MYO16: variants seen among roughly 807,000 people sequenced by gnomAD.
MYO16 encodes unconventional myosin-XVI.
Under a neutral mutation model 205.3 loss-of-function variants are expected in MYO16, and 94 were observed. That is an observed-to-expected ratio of 0.46 (90% CI 0.39 to 0.54). The LOEUF (loss-of-function observed/expected upper bound fraction) is 0.54, where lower values mean the gene tolerates loss of function less well. Among genes scored for constraint, MYO16 ranks in the 20% least tolerant of loss-of-function variants. The pLI is 0.00. For synonymous variants in MYO16, 988 were observed against 954.0 expected (o/e 1.04, Z -0.66); for missense variants, 2,315 against 2,387.5 (o/e 0.97, Z 0.63).
intron 7 of MYO16, among the ~76,000 whole-genome samples, chr13:108,819,953 T>G (rs1390073444): frequency 1.3e-5 from 2 of 152,224 alleles, no homozygotes; most frequent in Non-Finnish European, 2.9e-5. Flanking sequence ...GTATTTTGCC[T>G]TTCACGTTTT....
At chr13:109,204,993 A>C (rs1184431509) in intron 34 of MYO16, among the ~76,000 whole-genome samples, 1 of 152,202 alleles carries the variant, frequency 6.6e-6, no homozygotes, top group Admixed American at 6.5e-5. Flanking sequence ...GGCTTCCACA[A>C]GCATCTGCCC....
chr13:109,151,549 A>G (rs955374884), intron 32 of MYO16, among the ~76,000 whole-genome samples: 3 of 152,174 alleles, frequency 2.0e-5, no homozygotes, highest in Non-Finnish European at 4.4e-5. Flanking sequence ...CATTACCTGA[A>G]GTCCTAAAAG....
the MYO16 span, among the ~76,000 whole-genome samples, chr13:108,581,988 T>A: frequency 6.6e-6 from 1 of 152,116 alleles, no homozygotes; most frequent in African/African-American, 2.4e-5. Flanking sequence ...TCCCAGTGTG[T>A]TTATTGAGCT....
intron 25 of MYO16, among the ~76,000 whole-genome samples, chr13:109,054,084 G>A (rs78182982): frequency 1.3e-5 from 2 of 152,028 alleles, no homozygotes; most frequent in African/African-American, 2.4e-5. Flanking sequence ...TTTGTGAAAT[G>A]TAATAGTAGG....
chr13:108,934,409 G>A (rs942842471), intron 16 of MYO16, among the ~76,000 whole-genome samples: 2 of 152,032 alleles, frequency 1.3e-5, no homozygotes, highest in Non-Finnish European at 2.9e-5. Context: ...TGAAGTGTCC[G>A]TTGATGTCTT....
chr13:108,962,051 C>A (rs1052385977), intron 18 of MYO16, among the ~76,000 whole-genome samples: 2 of 152,174 alleles, frequency 1.3e-5, no homozygotes, highest in Non-Finnish European at 2.9e-5. Context: ...TTGAAGTTGC[C>A]TCGTTAGTCG....
intron 16 of MYO16, among the ~76,000 whole-genome samples, chr13:108,943,943 C>T (rs1260579505): frequency 3.3e-5 from 5 of 152,134 alleles, no homozygotes; most frequent in African/African-American, 4.8e-5. Context: ...TTTCAGTTTC[C>T]GCAGGAAGAG....
chr13:108,994,220 C>T (rs529204397), intron 21 of MYO16, among the ~76,000 whole-genome samples: 26 of 151,710 alleles, frequency 1.7e-4, no homozygotes, highest in Admixed American at 1.7e-3. Context: ...ATCTAAAGAG[C>T]CAGTCTCTAT....
chr13:108,632,338 A>C (rs964160725), intron 1 of MYO16, among the ~76,000 whole-genome samples: 2 of 152,076 alleles, frequency 1.3e-5, no homozygotes, highest in Non-Finnish European at 2.9e-5. Flanking sequence ...GTTCACTTTC[A>C]AGCCAGACAG....
chr13:109,189,556 G>A (rs150910206), intron 34 of MYO16, among the ~76,000 whole-genome samples: 10 of 152,218 alleles, frequency 6.6e-5, no homozygotes, highest in Non-Finnish European at 1.0e-4. Flanking sequence ...CTGGTCAACC[G>A]TCTTGGTCCC....
At chr13:108,654,839 G>T (rs566181176) in intron 1 of MYO16, among the ~76,000 whole-genome samples, 1 of 152,156 alleles carries the variant, frequency 6.6e-6, no homozygotes, top group Admixed American at 6.5e-5. Flanking sequence ...GAGAATGGTG[G>T]CATTTTGCCC....
chr13:108,848,651 G>C (rs570747788), intron 10 of MYO16, among the ~76,000 whole-genome samples: 1 of 152,010 alleles, frequency 6.6e-6, no homozygotes, highest in Non-Finnish European at 1.5e-5. Flanking sequence ...TATTTAAAAC[G>C]TAGCAGGGTT....
At chr13:109,144,125 C>G (rs1877224022) in intron 32 of MYO16, among the ~76,000 whole-genome samples, 1 of 149,920 alleles carries the variant, frequency 6.7e-6, no homozygotes, top group Non-Finnish European at 1.5e-5. Flanking sequence ...AGCAATTGTT[C>G]TGCCTCAGCC....
chr13:108,671,244 C>T (rs1275917860), intron 2 of MYO16, among the ~76,000 whole-genome samples: 1 of 152,128 alleles, frequency 6.6e-6, no homozygotes, highest in Non-Finnish European at 1.5e-5. Flanking sequence ...GTGATAGGAA[C>T]AACAGGAAGC....
chr13:108,937,170 G>C (rs546729340), intron 16 of MYO16, among the ~76,000 whole-genome samples: 29 of 152,256 alleles, frequency 1.9e-4, no homozygotes, highest in South Asian at 1.5e-3. Flanking sequence ...ACTGAAAACA[G>C]ACCCCCAATT....
chr13:109,119,451 A>T (rs1875880207), intron 28 of MYO16, among the ~76,000 whole-genome samples: 1 of 152,198 alleles, frequency 6.6e-6, no homozygotes, highest in African/African-American at 2.4e-5. Context: ...CCACATTAGG[A>T]TCCACCAGGC....
intron 29 of MYO16, among the ~76,000 whole-genome samples, chr13:109,122,251 T>C (rs1464267351): frequency 6.6e-6 from 1 of 152,190 alleles, no homozygotes; most frequent in Non-Finnish European, 1.5e-5. Context: ...AATATAATGA[T>C]AAGAAATTTT....
chr13:108,740,042 CT>C (rs1296171145), intron 4 of MYO16, among the ~76,000 whole-genome samples: 4 of 152,004 alleles, frequency 2.6e-5, no homozygotes, highest in Admixed American at 2.6e-4. Context: ...TTCGTCTAAT[CT>C]TTTTTAGAGG....
chr13:108,853,033 G>C (rs1427149687), intron 10 of MYO16, among the ~76,000 whole-genome samples: 2 of 152,158 alleles, frequency 1.3e-5, no homozygotes, highest in African/African-American at 2.4e-5. Flanking sequence ...TCATGTCTAA[G>C]ATATTGACCT....
Sources: gnomAD v4.1 joint callset for allele counts (sites outside exome capture counted in the v4.1 genomes callset) on GRCh38, gnomAD v4.1.1 for gene constraint, MANE v1.5 for transcripts, NCBI Gene and HGNC (gene_info 2026-07-23, HGNC 2026-07-21) for gene names.